The following ETFA variants were observed in gnomAD, a reference collection of about 807,000 sequenced individuals.
ETFA encodes electron transfer flavoprotein subunit alpha.
A neutral mutation model predicts 46.2 loss-of-function variants in ETFA; 22 were observed. The ratio of observed to expected loss-of-function variants is 0.48; its 90% CI spans 0.34 to 0.68. The LOEUF is 0.68. Among genes scored for constraint, ETFA ranks in the 30% least tolerant of loss-of-function variants. The pLI is 0.01. For missense variants in ETFA, 345 were observed against 401.1 expected (o/e 0.86, Z 1.19); for synonymous variants, 131 against 139.9 (o/e 0.94, Z 0.45).
At chr15:76,302,833 A>G (rs1343087497) in intron 1 of ETFA, among the ~76,000 whole-genome samples, 1 of 152,210 alleles carries the variant, frequency 6.6e-6, no homozygotes, top group African/African-American at 2.4e-5. Context: ...GCTCTAAAAC[A>G]TAAAGTCTAT....
At position 76,215,858 on chromosome 15, in the gene ETFA, C is replaced by T. The variant is rs2038891830; in HGVS notation, c.*701G>A. 6.6e-6 allele frequency: 1 copy of T among 152,262 alleles called. No individual in the cohort carries two copies. Among genetic ancestry groups the T allele is most frequent in the Non-Finnish European group, 1.5e-5 (1 of 68,100 alleles). 9.4% of individuals were successfully genotyped at this position (152,262 alleles called of 1,614,324 possible). On this transcript the variant is annotated 3_prime_UTR_variant, in exon 12 of 12. Transcript: ENST00000557943. ...CTGCTTGCATCAGAGGCCATGCTGT[C>T]TCAAAGCAGCCCCTCCTCCACTCTC...
At chr15:76,288,594 T>C (rs2039723467) in intron 4 of ETFA, among the ~76,000 whole-genome samples, 2 of 151,582 alleles carry the variant, frequency 1.3e-5, no homozygotes, top group South Asian at 4.2e-4. Context: ...TAGTCCCAGC[T>C]ACTCAGGAGG....
chr15:76,218,177 T>A (rs1275528100), intron 11 of ETFA, among the ~76,000 whole-genome samples: 1 of 152,234 alleles, frequency 6.6e-6, no homozygotes, highest in African/African-American at 2.4e-5. Context: ...CTTTTTAAAA[T>A]TTTACCGAAT....
At chr15:76,241,083 ATACT>A (rs1158712206) in intron 9 of ETFA, among the ~76,000 whole-genome samples, 2 of 152,192 alleles carry the variant, frequency 1.3e-5, no homozygotes, top group African/African-American at 2.4e-5. Context: ...ATATTATTAT[ATACT>A]TACCTAAAAC....
At chr15:76,231,453 CA>C in intron 9 of ETFA, 55 bp from the exon 10 acceptor site, 1 of 1,152,392 alleles carries the variant, frequency 8.7e-7, no homozygotes. Context: ...TAATACTTTC[CA>C]AAGTGTTTGC....
intron 9 of ETFA, among the ~76,000 whole-genome samples, chr15:76,239,323 A>G (rs2141471568): frequency 6.6e-6 from 1 of 152,340 alleles, no homozygotes; most frequent in South Asian, 2.1e-4. Context: ...TGATATAGGT[A>G]AACATTATGA....
chr15:76,233,827 T>C (rs1245795812), intron 9 of ETFA, among the ~76,000 whole-genome samples: 2 of 152,222 alleles, frequency 1.3e-5, no homozygotes, highest in Non-Finnish European at 2.9e-5. Flanking sequence ...AAAGCAAGCA[T>C]TGGAAAAGAC....
At chr15:76,246,626 T>G (rs2039245571) in intron 9 of ETFA, among the ~76,000 whole-genome samples, 1 of 151,942 alleles carries the variant, frequency 6.6e-6, no homozygotes, top group Admixed American at 6.6e-5. Flanking sequence ...GGTCAGGAGA[T>G]TGAGACCATT....
At chr15:76,225,434 G>A (rs747382205) in intron 11 of ETFA, among the ~76,000 whole-genome samples, 5 of 152,048 alleles carry the variant, frequency 3.3e-5, no homozygotes, top group Admixed American at 1.3e-4. Flanking sequence ...GACTACAGGC[G>A]CCTGCCACCA....
intron 4 of ETFA, among the ~76,000 whole-genome samples, chr15:76,288,917 C>CTTTTT (rs1380290288): frequency 2.1e-4 from 3 of 14,318 alleles, no homozygotes; most frequent in African/African-American, 2.8e-4. Flanking sequence ...TCTTCTTCTT[C>CTTTTT]TTCTTTTTTT....
At chr15:76,308,343 G>C (rs926216039) in intron 1 of ETFA, among the ~76,000 whole-genome samples, 3 of 152,118 alleles carry the variant, frequency 2.0e-5, no homozygotes, top group Non-Finnish European at 4.4e-5. Flanking sequence ...ATTACAAAAG[G>C]AGGAGTATTA....
chr15:76,305,511 C>A (rs1420677932), intron 1 of ETFA, among the ~76,000 whole-genome samples: 1 of 152,194 alleles, frequency 6.6e-6, no homozygotes, highest in South Asian at 2.1e-4. Flanking sequence ...GAGAAGTTCT[C>A]TATACTCTGT....
At chr15:76,271,853 C>T (rs1001832010) in intron 9 of ETFA, among the ~76,000 whole-genome samples, 5 of 151,680 alleles carry the variant, frequency 3.3e-5, no homozygotes, top group African/African-American at 1.2e-4. Context: ...ACAAAATGTA[C>T]ATACATAAAT....
At chr15:76,292,309 TACC>T (rs778957755) in intron 4 of ETFA, 119 bp downstream of exon 4, 6 of 767,030 alleles carry the variant, frequency 7.8e-6, no homozygotes, top group Non-Finnish European at 1.2e-5. Context: ...TTAGCAAAAC[TACC>T]ACATCAATTC....
chr15:76,235,248 T>C (rs950266296), intron 9 of ETFA, among the ~76,000 whole-genome samples: 6 of 152,184 alleles, frequency 3.9e-5, no homozygotes, highest in Non-Finnish European at 2.9e-5. Flanking sequence ...TATTCAAATA[T>C]TGATTTTCTC....
chr15:76,234,217 A>G (rs2039099694), intron 9 of ETFA, among the ~76,000 whole-genome samples: 1 of 152,170 alleles, frequency 6.6e-6, no homozygotes, highest in Non-Finnish European at 1.5e-5. Flanking sequence ...ATAACCCAGA[A>G]CAAGTATAGG....
At chr15:76,279,298 G>A (rs1352845325) in intron 8 of ETFA, among the ~76,000 whole-genome samples, 1 of 152,058 alleles carries the variant, frequency 6.6e-6, no homozygotes, top group African/African-American at 2.4e-5. Context: ...TTTTTTTAGA[G>A]AGGGTCTTGT....
chr15:76,293,278 C>G (rs2039785439), intron 2 of ETFA, among the ~76,000 whole-genome samples: 1 of 152,164 alleles, frequency 6.6e-6, no homozygotes, highest in Admixed American at 6.5e-5. Context: ...AAGAAAAGTG[C>G]TAATTGACAA....
At chr15:76,285,135 C>T (rs1425054726) in intron 7 of ETFA, among the ~76,000 whole-genome samples, 1 of 151,962 alleles carries the variant, frequency 6.6e-6, no homozygotes, top group Non-Finnish European at 1.5e-5. Context: ...TTTTTAAAGA[C>T]AAGGAGCATG....
Sources: gnomAD v4.1 joint callset for allele counts (sites outside exome capture counted in the v4.1 genomes callset) on GRCh38, gnomAD v4.1.1 for gene constraint, MANE v1.5 for transcripts, NCBI Gene and HGNC (gene_info 2026-07-23, HGNC 2026-07-21) for gene names.